Variants in PROS1 observed in about 807,000 individuals in gnomAD.
The protein encoded by PROS1 is vitamin K-dependent protein S.
A neutral mutation model predicts 75.9 loss-of-function variants in PROS1; 29 were observed. The observed-to-expected ratio is 0.38, with a 90% CI of 0.28 to 0.52. The LOEUF is 0.52. Ranked by LOEUF, PROS1 falls within the 20% of genes least tolerant of loss-of-function variation. The pLI is 0.83. For missense variants in PROS1, 680 were observed against 810.3 expected (o/e 0.84, Z 1.95); for synonymous variants, 245 against 280.6 (o/e 0.87, Z 1.27).
chr3:93,923,331 C>T (rs1191929264), intron 3 of PROS1, among the ~76,000 whole-genome samples: 3 of 152,054 alleles, frequency 2.0e-5, no homozygotes, highest in Non-Finnish European at 2.9e-5. Flanking sequence ...AGGAATGTAT[C>T]CTCTACAGTA....
At chr3:93,912,488 A>G (rs1708773674) in intron 3 of PROS1, among the ~76,000 whole-genome samples, 1 of 152,166 alleles carries the variant, frequency 6.6e-6, no homozygotes, top group Non-Finnish European at 1.5e-5. Context: ...GAAGGAGGTC[A>G]TTATTCAGCC....
chr3:93,875,584 T>C (rs1202624715), intron 14 of PROS1, among the ~76,000 whole-genome samples: 5 of 152,170 alleles, frequency 3.3e-5, no homozygotes, highest in Non-Finnish European at 2.9e-5. Flanking sequence ...ATTTAAACTA[T>C]AATTTTACTC....
At chr3:93,952,557 T>C (rs1009777169) in intron 1 of PROS1, among the ~76,000 whole-genome samples, 5 of 152,036 alleles carry the variant, frequency 3.3e-5, no homozygotes, top group Non-Finnish European at 5.9e-5. Context: ...CGTACCAGAA[T>C]CTCTGGGACA....
At chr3:93,918,974 A>T (rs946282315) in intron 3 of PROS1, among the ~76,000 whole-genome samples, 2 of 152,074 alleles carry the variant, frequency 1.3e-5, no homozygotes, top group South Asian at 2.1e-4. Flanking sequence ...TTTTCTCAGA[A>T]CTTGATTTTT....
At chr3:93,910,414 C>CA (rs1576189511) in intron 4 of PROS1, among the ~76,000 whole-genome samples, 1 of 152,070 alleles carries the variant, frequency 6.6e-6, no homozygotes, top group African/African-American at 2.4e-5. Context: ...AAACATTAGG[C>CA]AAAAAAATTC....
intron 12 of PROS1, 108 bp downstream of exon 12, chr3:93,884,620 G>A: frequency 7.9e-7 from 1 of 1,258,778 alleles, no homozygotes; most frequent in Non-Finnish European, 1.1e-6. Flanking sequence ...GACTAGAGTG[G>A]GCACACAGTA....
Position 93,914,008 on chromosome 3 carries a change from C to T in PROS1, c.260-3303G>A, listed in dbSNP as rs561343230. Among the ~76,000 whole-genome samples, 38 of 152,378 alleles carry T rather than the reference C, an allele frequency of 2.5e-4. 1 individual carries two copies. Among genetic ancestry groups the T allele is most frequent in the African/African-American group, 8.9e-4 (37 of 41,596 alleles). ...AGCTCTAATATAGTTTTCCTTGACT[C>T]TATGTCCTGACTTCTGAGCACACAG... On this transcript the variant is annotated intron_variant, in intron 3 of 14. Coordinates refer to ENST00000394236, the MANE Select transcript of PROS1 (RefSeq NM_000313.4).
chr3:93,919,419 A>T (rs1489442049), intron 3 of PROS1, among the ~76,000 whole-genome samples: 17 of 143,782 alleles, frequency 1.2e-4, no homozygotes, highest in Admixed American at 2.1e-4. Context: ...AATTTTCCCT[A>T]TTTTTTTTTT....
intron 3 of PROS1, among the ~76,000 whole-genome samples, chr3:93,918,457 C>G (rs1708893323): frequency 6.6e-6 from 1 of 152,120 alleles, no homozygotes; most frequent in East Asian, 1.9e-4. Context: ...TGGGTCCACA[C>G]TGCCTTTATG....
chr3:93,945,847 T>C (rs1438256012), intron 1 of PROS1, among the ~76,000 whole-genome samples: 1 of 152,032 alleles, frequency 6.6e-6, no homozygotes, highest in East Asian at 1.9e-4. Context: ...GGCATTCAAG[T>C]AGGAAAAGAG....
intron 1 of PROS1, among the ~76,000 whole-genome samples, chr3:93,945,621 A>G (rs374317782): frequency 1.3e-5 from 2 of 152,344 alleles, no homozygotes; most frequent in African/African-American, 4.8e-5. Flanking sequence ...TCTTCATGCT[A>G]AAAACTCTCA....
intron 13 of PROS1, among the ~76,000 whole-genome samples, chr3:93,878,480 A>C (rs1201241063): frequency 6.6e-6 from 1 of 152,204 alleles, no homozygotes; most frequent in East Asian, 1.9e-4. Context: ...CCTTGGCATA[A>C]ACATCAGCTT....
Position 93,910,724 on chromosome 3 carries a change from A to G in PROS1, c.260-19T>C. On this transcript the variant is annotated intron_variant, in intron 3 of 14. Coordinates refer to ENST00000394236, the MANE Select transcript of PROS1 (RefSeq NM_000313.4). ...AGACAAACTGAAAATAAAAACAAAC[A>G]TAATCTTCTTAGAGTAGACACACAT... 1.9e-6 allele frequency: 3 copies of G among 1,589,984 alleles called. No individual in the cohort carries two copies. Among genetic ancestry groups the G allele is most frequent in the East Asian group, 2.2e-5 (1 of 44,570 alleles).
chr3:93,898,926 C>A (rs1299043598), intron 7 of PROS1, among the ~76,000 whole-genome samples: 1 of 151,170 alleles, frequency 6.6e-6, no homozygotes, highest in Non-Finnish European at 1.5e-5. Context: ...GAGATTACCT[C>A]ACAATTCATT....
At chr3:93,939,885 C>G (rs1390916128) in intron 1 of PROS1, among the ~76,000 whole-genome samples, 1 of 152,086 alleles carries the variant, frequency 6.6e-6, no homozygotes, top group African/African-American at 2.4e-5. Flanking sequence ...CAGGACTTAA[C>G]TAACTTCACC....
At chr3:93,875,624 CTCTATCTA>C (rs56899294) in intron 14 of PROS1, among the ~76,000 whole-genome samples, 53,411 of 147,994 alleles carry the variant, frequency 0.36, 9,601 homozygotes, top group Non-Finnish European at 0.39. Flanking sequence ...CACTACTTAC[CTCTATCTA>C]TCTATCTATC....
intron 1 of PROS1, among the ~76,000 whole-genome samples, chr3:93,944,106 T>C (rs1316106966): frequency 2.0e-5 from 3 of 152,244 alleles, no homozygotes; most frequent in Middle Eastern, 3.4e-3. Flanking sequence ...TAAACATTCA[T>C]TGCATATGTA....
chr3:93,902,701 C>T (rs915344743), intron 6 of PROS1, among the ~76,000 whole-genome samples: 9 of 150,768 alleles, frequency 6.0e-5, no homozygotes, highest in African/African-American at 2.0e-4. Context: ...TGCAGTGAGC[C>T]GAGCTCACAC....
chr3:93,963,393 C>T (rs907179610), intron 1 of PROS1, among the ~76,000 whole-genome samples: 6 of 152,156 alleles, frequency 3.9e-5, no homozygotes, highest in African/African-American at 7.2e-5. Context: ...TAGTTGCCAA[C>T]ACAGGTTGGT....
Sources: gnomAD v4.1 joint callset for allele counts (sites outside exome capture counted in the v4.1 genomes callset) on GRCh38, gnomAD v4.1.1 for gene constraint, MANE v1.5 for transcripts, NCBI Gene and HGNC (gene_info 2026-07-23, HGNC 2026-07-21) for gene names.